Variants in ARHGAP8 observed in about 807,000 individuals in gnomAD.
The protein encoded by ARHGAP8 is Rho GTPase activating protein 8.
Under a neutral mutation model 46.1 loss-of-function variants are expected in ARHGAP8, and 62 were observed. The ratio of observed to expected loss-of-function variants is 1.34; its 90% CI spans 1.10 to 1.66. The LOEUF is 1.66. Ranked by LOEUF, ARHGAP8 falls within the 40% of genes most tolerant of loss-of-function variation. The pLI, the probability that ARHGAP8 is intolerant of heterozygous loss-of-function variation, is 0.00. For missense variants in ARHGAP8, 923 were observed against 568.4 expected, an observed-to-expected ratio of 1.62 and a Z score of -6.34; for synonymous variants, 375 against 243.1, an observed-to-expected ratio of 1.54 and a Z score of -5.05.
intron 1 of ARHGAP8, among the ~76,000 whole-genome samples, chr22:44,771,647 C>G (rs767000060): frequency 6.6e-6 from 1 of 151,908 alleles, no homozygotes; most frequent in East Asian, 1.9e-4. Flanking sequence ...CTCTGCCTTC[C>G]GGGTTCAAGC....
chr22:44,848,193 A>T, intron 9 of ARHGAP8, 143 bp downstream of exon 9: 1 of 1,221,022 alleles, frequency 8.2e-7, no homozygotes, highest in Non-Finnish European at 1.1e-6. Flanking sequence ...GCAGCTTCCC[A>T]GGAGGCATCG....
At chr22:44,811,109 C>T (rs1929302709) in intron 4 of ARHGAP8, among the ~76,000 whole-genome samples, 2 of 152,214 alleles carry the variant, frequency 1.3e-5, no homozygotes, top group South Asian at 4.1e-4. Flanking sequence ...CGTAATCAGC[C>T]CAGGGTGCTT....
chr22:44,786,172 A>ATGGGTGCTCGGCTGAGGTAGGGCGTATAG (rs1324796013), intron 1 of ARHGAP8: 1 of 525,546 alleles, frequency 1.9e-6, no homozygotes. Flanking sequence ...CGAGTGCATA[A>ATGGGTGCTCGGCTGAGGTAGGGCGTATAG]TGGGTGCTCG....
Position 44,853,684 on chromosome 22 carries a change from C to A in ARHGAP8, c.877+4624C>A, listed in dbSNP as rs375887782. ...CTTGCTAGAACTTTTAATAAGGAAT[C>A]TCAGATTCACTTTTTAAAAGCCTCT... On this transcript the variant is annotated intron_variant, in intron 10 of 11. Transcript: ENST00000356099. 3.3e-5 allele frequency among the ~76,000 whole-genome samples: 5 copies of A among 152,144 alleles called. No homozygotes were observed. In the East Asian group the frequency reaches 7.7e-4, roughly 23 times the overall value.
chr22:44,858,532 G>C (rs1444869012), intron 10 of ARHGAP8, among the ~76,000 whole-genome samples: 1 of 12,690 alleles, frequency 7.9e-5, no homozygotes. Flanking sequence ...ACCATACCCG[G>C]CTTTTTTTTT....
chr22:44,862,684 C>A lies in ARHGAP8; in HGVS notation c.*89C>A. 1.4e-6 allele frequency: 2 copies of A among 1,433,168 alleles called. No homozygotes were observed. Among genetic ancestry groups the A allele is most frequent in the South Asian group, 2.9e-5 (2 of 68,184 alleles). 88.8% of individuals were successfully genotyped at this position (1,433,168 alleles called of 1,614,324 possible). A position where few individuals can be genotyped will look rare whatever the true frequency, so the allele number is the denominator to read the frequency against. ...GTAAACTTGGCATCTGTAAAAATAA[C>A]CAGCCATTAGATGAATTCAGAACCT... On this transcript the variant is annotated 3_prime_UTR_variant, in exon 12 of 12. Coordinates refer to ENST00000356099, the MANE Select transcript of ARHGAP8 (RefSeq NM_181335.3).
chr22:44,835,095 A>C (rs375602044), intron 7 of ARHGAP8, among the ~76,000 whole-genome samples: 53 of 152,120 alleles, frequency 3.5e-4, no homozygotes, highest in East Asian at 2.3e-3. Context: ...ATTTAGTGTG[A>C]TTACTGGAGT....
chr22:44,788,566 A>C (rs5766019), intron 2 of ARHGAP8, among the ~76,000 whole-genome samples: 3 of 146,786 alleles, frequency 2.0e-5, no homozygotes, highest in African/African-American at 7.6e-5. Flanking sequence ...GCTAATTTTT[A>C]TATCTTTAGT....
At chr22:44,793,513 A>G (rs1927856281) in intron 2 of ARHGAP8, among the ~76,000 whole-genome samples, 4 of 152,158 alleles carry the variant, frequency 2.6e-5, no homozygotes, top group Admixed American at 2.6e-4. Context: ...CACTTTTGCA[A>G]AAATGGTTGG....
At chr22:44,842,298 A>G (rs1241108968) in intron 7 of ARHGAP8, among the ~76,000 whole-genome samples, 1 of 152,156 alleles carries the variant, frequency 6.6e-6, no homozygotes, top group Non-Finnish European at 1.5e-5. Flanking sequence ...TGGAGGTTGC[A>G]GTGAGCAGAG....
intron 11 of ARHGAP8, 138 bp downstream of exon 11, chr22:44,859,972 C>G: frequency 2.9e-6 from 3 of 1,047,732 alleles, no homozygotes; most frequent in Non-Finnish European, 4.1e-6. Context: ...CTCCCTGCCC[C>G]CCAAGGACCT....
At chr22:44,828,458 T>TA (rs1268165764) in intron 7 of ARHGAP8, among the ~76,000 whole-genome samples, 1 of 145,388 alleles carries the variant, frequency 6.9e-6, no homozygotes, top group Non-Finnish European at 1.5e-5. Context: ...TTTGAGACAA[T>TA]TTTTTTTTTG....
intron 7 of ARHGAP8, among the ~76,000 whole-genome samples, chr22:44,835,692 G>A (rs1602243645): frequency 6.6e-6 from 1 of 152,278 alleles, no homozygotes; most frequent in East Asian, 1.9e-4. Flanking sequence ...TCCACCCCGT[G>A]CTAACACTCC....
chr22:44,817,850 C>T (rs1287441701), intron 5 of ARHGAP8, among the ~76,000 whole-genome samples: 2 of 152,142 alleles, frequency 1.3e-5, no homozygotes, highest in African/African-American at 2.4e-5. Flanking sequence ...CATGGTGGCT[C>T]ACACCTGTAA....
At chr22:44,771,286 G>A (rs1044863007) in intron 1 of ARHGAP8, among the ~76,000 whole-genome samples, 15 of 116,746 alleles carry the variant, frequency 1.3e-4, no homozygotes, top group African/African-American at 2.5e-4. Context: ...TTGCTCTGTC[G>A]CCCAGGCTGG....
chr22:44,852,950 G>A (rs1028000168), intron 10 of ARHGAP8, among the ~76,000 whole-genome samples: 4 of 152,152 alleles, frequency 2.6e-5, no homozygotes, highest in South Asian at 2.1e-4. Flanking sequence ...CGACAGGCCC[G>A]TGTCACCACG....
At chr22:44,843,926 T>C (rs1931812464) in intron 7 of ARHGAP8, among the ~76,000 whole-genome samples, 1 of 151,574 alleles carries the variant, frequency 6.6e-6, no homozygotes. Flanking sequence ...ATATGTATAA[T>C]GTAAAACTAG....
chr22:44,793,611 T>A (rs943186766), intron 2 of ARHGAP8, among the ~76,000 whole-genome samples: 1 of 152,138 alleles, frequency 6.6e-6, no homozygotes, highest in Non-Finnish European at 1.5e-5. Context: ...CGCCGTCCGC[T>A]GGGAGAGAAT....
intron 1 of ARHGAP8, among the ~76,000 whole-genome samples, chr22:44,767,288 T>C (rs1925645964): frequency 6.6e-6 from 1 of 152,156 alleles, no homozygotes; most frequent in South Asian, 2.1e-4. Flanking sequence ...ATACACTCCT[T>C]ATCTTGATTC....
Sources: gnomAD v4.1 joint callset for allele counts (sites outside exome capture counted in the v4.1 genomes callset) on GRCh38, gnomAD v4.1.1 for gene constraint, MANE v1.5 for transcripts, NCBI Gene and HGNC (gene_info 2026-07-23, HGNC 2026-07-21) for gene names.